PTPRD: variants seen among roughly 807,000 people sequenced by gnomAD.
The protein encoded by PTPRD is protein tyrosine phosphatase receptor type D.
Under a neutral mutation model 214.5 loss-of-function variants are expected in PTPRD, and 34 were observed. That is an observed-to-expected ratio of 0.16 (90% CI 0.12 to 0.21). The LOEUF (loss-of-function observed/expected upper bound fraction) is 0.21, where lower values mean the gene tolerates loss of function less well. Among genes scored for constraint, PTPRD ranks in the 10% least tolerant of loss-of-function variants. The pLI is 1.00. For missense variants in PTPRD, 2,545 were observed against 2,398.7 expected (o/e 1.06, Z -1.27); for synonymous variants, 1,128 against 845.7 (o/e 1.33, Z -5.79).
In PTPRD at chr9:10,180,352, A is replaced by C. The variant is rs1220641364; in HGVS notation, c.-544-146562T>G. ...GTAAAAACAGCCCACATGATCTGCA[A>C]CTTCCTCCCTTTCATCACTGACCTC... On this transcript the variant is annotated intron_variant, in intron 3 of 45. Coordinates refer to ENST00000381196, the MANE Select transcript of PTPRD (RefSeq NM_002839.4). Among the ~76,000 whole-genome samples, 5 of 152,090 alleles carry C rather than the reference A, an allele frequency of 3.3e-5. No homozygotes were observed. The South Asian group carries it at 1.0e-3, about 32-fold the overall frequency.
At chr9:10,455,460 C>G (rs1369263502) in intron 2 of PTPRD, among the ~76,000 whole-genome samples, 1 of 151,758 alleles carries the variant, frequency 6.6e-6, no homozygotes, top group African/African-American at 2.4e-5. Context: ...TTAAGTCATA[C>G]TTACATGTCC....
At chr9:9,043,018 C>T (rs892606165) in intron 10 of PTPRD, among the ~76,000 whole-genome samples, 3 of 152,166 alleles carry the variant, frequency 2.0e-5, no homozygotes, top group Non-Finnish European at 4.4e-5. Context: ...TACCAAACTT[C>T]ATTTGCTCCT....
At chr9:10,267,486 T>A (rs926546394) in intron 3 of PTPRD, among the ~76,000 whole-genome samples, 6 of 152,146 alleles carry the variant, frequency 3.9e-5, no homozygotes, top group African/African-American at 1.4e-4. Flanking sequence ...AGTTTTTCAG[T>A]CACTGATAGC....
chr9:9,470,565 A>G (rs1569568616), intron 8 of PTPRD, among the ~76,000 whole-genome samples: 1 of 152,184 alleles, frequency 6.6e-6, no homozygotes, highest in Admixed American at 6.5e-5. Flanking sequence ...CACTTAGTAA[A>G]AGGGGGAATA....
chr9:9,410,279 A>T (rs1333032467), intron 8 of PTPRD, among the ~76,000 whole-genome samples: 1 of 152,240 alleles, frequency 6.6e-6, no homozygotes, highest in Non-Finnish European at 1.5e-5. Flanking sequence ...AATCACAGAC[A>T]GAAATTATAT....
At chr9:8,549,769 C>A (rs115024231) in intron 14 of PTPRD, among the ~76,000 whole-genome samples, 34 of 151,698 alleles carry the variant, frequency 2.2e-4, no homozygotes, top group African/African-American at 8.0e-4. Flanking sequence ...GGAAAAACAC[C>A]CAATAATTCT....
At chr9:10,304,510 AC>A (rs2095988597) in intron 3 of PTPRD, among the ~76,000 whole-genome samples, 1 of 152,028 alleles carries the variant, frequency 6.6e-6, no homozygotes, top group South Asian at 2.1e-4. Flanking sequence ...TATTTAGGAA[AC>A]CCCATCGTCT....
At chr9:9,830,760 T>C (rs1329178249) in intron 5 of PTPRD, among the ~76,000 whole-genome samples, 1 of 151,890 alleles carries the variant, frequency 6.6e-6, no homozygotes, top group Non-Finnish European at 1.5e-5. Flanking sequence ...ATCAACAGAG[T>C]AGTCTTAAGC....
At chr9:8,925,454 A>G (rs1318085931) in intron 11 of PTPRD, among the ~76,000 whole-genome samples, 1 of 152,134 alleles carries the variant, frequency 6.6e-6, no homozygotes, top group African/African-American at 2.4e-5. Context: ...CATAAGACAC[A>G]GCTGTGTTTG....
At chr9:9,891,644 G>C (rs2073377261) in intron 5 of PTPRD, among the ~76,000 whole-genome samples, 1 of 151,542 alleles carries the variant, frequency 6.6e-6, no homozygotes, top group South Asian at 2.1e-4. Context: ...AGAGTAACAG[G>C]ATTTTTTTTC....
At chr9:8,640,696 A>T (rs938848325) in intron 12 of PTPRD, among the ~76,000 whole-genome samples, 7 of 150,128 alleles carry the variant, frequency 4.7e-5, no homozygotes, top group African/African-American at 1.2e-4. Flanking sequence ...AAAAAAAAAA[A>T]ATACATATAT....
intron 11 of PTPRD, among the ~76,000 whole-genome samples, chr9:8,899,138 A>C (rs1388986791): frequency 6.6e-6 from 1 of 152,156 alleles, no homozygotes; most frequent in East Asian, 1.9e-4. Context: ...AGATAAAAAA[A>C]AGATTGTTTA....
In PTPRD at chr9:9,042,614, CTTTTCTTTT is replaced by C. The variant is rs1347096534; in HGVS notation, c.-142-23888_-142-23880del. ...CCACTTAGCATTTTTTCTTTTTTTT[CTTTTCTTTT>C]TTTTTTTTTTTGGTCTATTCAACAT... On this transcript the variant is annotated intron_variant, in intron 10 of 45. Coordinates refer to ENST00000381196, the MANE Select transcript of PTPRD (RefSeq NM_002839.4). 4.9e-3 allele frequency among the ~76,000 whole-genome samples: 551 copies of C among 112,436 alleles called. 5 individuals are homozygous for C. Among genetic ancestry groups the C allele is most frequent in the African/African-American group, 0.018 (486 of 27,596 alleles). The allele number at this position is 112,436 out of a possible 152,430, so 73.8% of individuals were successfully genotyped here. A position where few individuals can be genotyped will look rare whatever the true frequency, so the allele number is the denominator to read the frequency against.
intron 4 of PTPRD, among the ~76,000 whole-genome samples, chr9:9,943,305 C>A (rs563892117): frequency 3.9e-5 from 6 of 152,242 alleles, no homozygotes; most frequent in African/African-American, 1.4e-4. Context: ...GGCAGTCAGG[C>A]TCTGCTTCAT....
chr9:9,817,544 G>C (rs779395616), intron 5 of PTPRD, among the ~76,000 whole-genome samples: 5 of 152,078 alleles, frequency 3.3e-5, no homozygotes, highest in Non-Finnish European at 5.9e-5. Flanking sequence ...ATCCTGTCAA[G>C]TTTACTTTTG....
chr9:8,389,739 G>C (rs1300037823), intron 36 of PTPRD, among the ~76,000 whole-genome samples: 1 of 152,048 alleles, frequency 6.6e-6, no homozygotes. Context: ...AAACAATCTG[G>C]TAACATTCCT....
rs1445169260 is a variant in PTPRD, at chr9:8,497,279, A to G, written c.2323-11T>C. The G allele has an allele frequency of 7.5e-6, 12 of 1,594,960 alleles. No homozygotes were observed. The highest frequency in any genetic ancestry group is 9.4e-6 in the Non-Finnish European group (11 of 1,172,500). The stretch of plus-strand genomic sequence containing the variant: ...ATCATCAAATTCCCACTGATTGAGA[A>G]TAAGAAGGTTGGGAGGAAAACAAAA... On this transcript the variant is annotated splice_polypyrimidine_tract_variant and intron_variant, in intron 25 of 45. Coordinates refer to ENST00000381196, the MANE Select transcript of PTPRD (RefSeq NM_002839.4).
At chr9:9,928,793 G>C (rs192342697) in intron 5 of PTPRD, among the ~76,000 whole-genome samples, 24 of 109,824 alleles carry the variant, frequency 2.2e-4, no homozygotes, top group Admixed American at 2.0e-3. Flanking sequence ...CACACAATTT[G>C]CATTTTGGAA....
intron 10 of PTPRD, among the ~76,000 whole-genome samples, chr9:9,060,071 A>C (rs1344681236): frequency 1.3e-5 from 2 of 152,204 alleles, no homozygotes; most frequent in African/African-American, 4.8e-5. Context: ...TTTAAAATTT[A>C]TTTGCAAATG....
Sources: allele counts gnomAD v4.1 joint callset (sites outside exome capture counted in the v4.1 genomes callset), GRCh38; gene constraint gnomAD v4.1.1; transcripts MANE v1.5; gene names NCBI Gene and HGNC (gene_info 2026-07-23, HGNC 2026-07-21).